ADAMTS19: variants seen among roughly 807,000 people sequenced by gnomAD.
ADAMTS19 encodes the protein A disintegrin and metalloproteinase with thrombospondin motifs 19.
In ADAMTS19, 93 loss-of-function variants were observed where a neutral mutation model predicts 153.3. The ratio of observed to expected loss-of-function variants is 0.61; its 90% confidence interval spans 0.51 to 0.72. The LOEUF (loss-of-function observed/expected upper bound fraction) is 0.72. Among genes scored for constraint, ADAMTS19 ranks in the 30% least tolerant of loss-of-function variants. ADAMTS19 has a pLI of 0.00. For synonymous variants in ADAMTS19, 600 were observed against 556.6 expected (o/e 1.08, Z -1.10); for missense variants, 1,482 against 1,552.1 (o/e 0.95, Z 0.76).
intron 2 of ADAMTS19, among the ~76,000 whole-genome samples, chr5:129,503,437 G>A (rs1751167053): frequency 6.6e-6 from 1 of 152,008 alleles, no homozygotes; most frequent in African/African-American, 2.4e-5. Flanking sequence ...AAAAACATGA[G>A]GTATTATAAT....
Position 129,643,419 on chromosome 5 carries a change from C to T in ADAMTS19, c.1872+1459C>T, listed in dbSNP as rs1391674104. On this transcript the variant is annotated intron_variant, in intron 11 of 22. Transcript: ENST00000274487. ...AAAAGAAAATATAAACACAAAACTCCAAAGTGTAATTAGAAGTTACCTCTT... is the reference window on the plus strand; with the variant it reads ...AAAAGAAAATATAAACACAAAACTCTAAAGTGTAATTAGAAGTTACCTCTT... 3.4e-5 allele frequency among the ~76,000 whole-genome samples: 5 copies of T among 147,904 alleles called. No individual in the cohort carries two copies. The East Asian group carries it at 9.9e-4, about 29-fold the overall frequency.
At chr5:129,600,235 AC>A (rs112901016) in intron 8 of ADAMTS19, among the ~76,000 whole-genome samples, 5 of 152,274 alleles carry the variant, frequency 3.3e-5, no homozygotes, top group African/African-American at 1.2e-4. Flanking sequence ...AAACACATAC[AC>A]GCAGAGCCCT....
intron 8 of ADAMTS19, among the ~76,000 whole-genome samples, chr5:129,607,216 C>G (rs925281942): frequency 4.6e-5 from 7 of 152,176 alleles, no homozygotes; most frequent in African/African-American, 1.7e-4. Context: ...CACACCCAGC[C>G]TGTTTCCACT....
At chr5:129,647,635 C>T (rs972369463) in intron 11 of ADAMTS19, 130 bp from the exon 12 acceptor site, 1 of 1,090,398 alleles carries the variant, frequency 9.2e-7, no homozygotes, top group Non-Finnish European at 1.3e-6. Context: ...TATTTTTGGT[C>T]TTTCCTAATT....
intron 3 of ADAMTS19, among the ~76,000 whole-genome samples, 172 bp downstream of exon 3, chr5:129,509,414 A>T (rs1751364048): frequency 6.6e-6 from 1 of 152,056 alleles, no homozygotes; most frequent in Admixed American, 6.6e-5. Context: ...TTTATGAAGC[A>T]CTACATTTTA....
intron 17 of ADAMTS19, among the ~76,000 whole-genome samples, chr5:129,682,017 T>C (rs544109957): frequency 6.6e-6 from 1 of 152,310 alleles, no homozygotes; most frequent in African/African-American, 2.4e-5. Context: ...TTTTATTTTA[T>C]GGTATAAGAC....
At chr5:129,565,510 T>C (rs1480837093) in intron 7 of ADAMTS19, among the ~76,000 whole-genome samples, 1 of 152,214 alleles carries the variant, frequency 6.6e-6, no homozygotes, top group African/African-American at 2.4e-5. Flanking sequence ...TTATCATTTA[T>C]TCAATTTCCT....
rs373818181 is a variant in ADAMTS19, at chr5:129,604,180, T to A, written c.1478+7516T>A. On this transcript the variant is annotated intron_variant, in intron 8 of 22. Transcript: ENST00000274487. ...GCTTAATACTTAGGTGATGGATTGA[T>A]AGGTGCAGCAAACCACCATGGCACA... Among the ~76,000 whole-genome samples, 108 of 136,740 alleles carry A rather than the reference T, an allele frequency of 7.9e-4. 2 individuals carry two copies. The South Asian group carries it at 0.026, about 33-fold the overall frequency. The allele number at this position is 136,740 out of a possible 152,430, so 89.7% of individuals were successfully genotyped here. A position where few individuals can be genotyped will look rare whatever the true frequency, so the allele number is the denominator to read the frequency against.
chr5:129,582,716 G>T (rs1293891055), intron 7 of ADAMTS19, among the ~76,000 whole-genome samples: 1 of 151,526 alleles, frequency 6.6e-6, no homozygotes, highest in African/African-American at 2.4e-5. Context: ...GGGACTACAG[G>T]CGCCCACCAC....
intron 21 of ADAMTS19, among the ~76,000 whole-genome samples, chr5:129,708,770 G>T (rs1294496123): frequency 6.6e-6 from 1 of 151,766 alleles, no homozygotes; most frequent in East Asian, 1.9e-4. Flanking sequence ...ATTGTTCCTG[G>T]TTTATTCTTA....
chr5:129,527,715 A>G (rs373967576), intron 4 of ADAMTS19, 33 bp from the exon 5 acceptor site: 24 of 1,293,636 alleles, frequency 1.9e-5, no homozygotes, highest in Non-Finnish European at 2.5e-5. Flanking sequence ...TTTTCAGTTT[A>G]ATTTTAGGAT....
At chr5:129,705,814 C>T (rs1042999952) in intron 21 of ADAMTS19, among the ~76,000 whole-genome samples, 73 of 152,216 alleles carry the variant, frequency 4.8e-4, no homozygotes, top group African/African-American at 1.7e-3. Flanking sequence ...TCAAGAGATA[C>T]GGAGGACAAT....
At chr5:129,684,085 G>T in intron 17 of ADAMTS19, 35 bp from the exon 18 acceptor site, 1 of 1,584,656 alleles carries the variant, frequency 6.3e-7, no homozygotes, top group South Asian at 1.1e-5. Flanking sequence ...GCTCTAGTTT[G>T]ACCCATCTGC....
chr5:129,533,777 A>G (rs1468421977), intron 6 of ADAMTS19, among the ~76,000 whole-genome samples: 2 of 151,770 alleles, frequency 1.3e-5, no homozygotes, highest in Non-Finnish European at 2.9e-5. Context: ...TGTGTAACAG[A>G]GATTCTGGTA....
At chr5:129,612,647 C>A (rs983670540) in intron 8 of ADAMTS19, among the ~76,000 whole-genome samples, 1 of 152,034 alleles carries the variant, frequency 6.6e-6, no homozygotes, top group Admixed American at 6.6e-5. Context: ...GCAAAATAAC[C>A]AGCTAACATC....
In ADAMTS19 at chr5:129,461,390, A is replaced by T; in HGVS notation, c.380A>T (p.Glu127Val). Residue 127 changes from glutamate (E) to valine (V), a missense_variant, in exon 2 of 23, where the codon GAG becomes GTG. Transcript: ENST00000274487. This position sits in a 1 kb window ranked among gnomAD's most constrained non-coding sequence, Gnocchi z 4.6. ...GEEDEELESQ[E>V]LPRGSSGAAA... ...GAGGACGAGGAGCTCGAGTCGCAGG[A>T]GCTGCCGCGGGGATCCAGCGGGGCT... 7.4e-7 allele frequency: 1 copy of T among 1,351,654 alleles called. No homozygotes were observed. The highest frequency in any genetic ancestry group is 4.1e-5 in the Admixed American group (1 of 24,384). The allele number at this position is 1,351,654 out of a possible 1,614,324, so 83.7% of individuals were successfully genotyped here. A position where few individuals can be genotyped will look rare whatever the true frequency, so the allele number is the denominator to read the frequency against.
At chr5:129,725,559 C>T (rs1007385927) in intron 21 of ADAMTS19, among the ~76,000 whole-genome samples, 5 of 152,236 alleles carry the variant, frequency 3.3e-5, no homozygotes, top group Admixed American at 6.5e-5. Context: ...TGGAAAGTTG[C>T]TGATCACCAG....
intron 14 of ADAMTS19, among the ~76,000 whole-genome samples, 158 bp from the exon 15 acceptor site, chr5:129,658,459 A>G (rs1753686890): frequency 6.6e-6 from 1 of 152,174 alleles, no homozygotes; most frequent in African/African-American, 2.4e-5. Context: ...TGGCTTGTGT[A>G]TTAGCTTGCA....
intron 7 of ADAMTS19, among the ~76,000 whole-genome samples, chr5:129,587,259 AT>A (rs953321403): frequency 4.8e-4 from 69 of 144,650 alleles, no homozygotes; most frequent in Non-Finnish European, 8.8e-5. Context: ...TGTCTGTTTG[AT>A]TTTTTTTATA....
Sources: gnomAD v4.1 joint callset for allele counts (sites outside exome capture counted in the v4.1 genomes callset) on GRCh38, gnomAD v4.1.1 for gene constraint, Gnocchi (gnomAD v3.1) non-coding constraint, MANE v1.5 for transcripts, NCBI Gene and HGNC (gene_info 2026-07-23, HGNC 2026-07-21) for gene names.